FAT1: variants seen among roughly 807,000 people sequenced by gnomAD.
FAT1 encodes protocadherin Fat 1.
Under a neutral mutation model 329.8 loss-of-function variants are expected in FAT1, and 171 were observed. That is an observed-to-expected ratio of 0.52 (90% CI 0.46 to 0.59). The LOEUF (loss-of-function observed/expected upper bound fraction) is 0.59. Among genes scored for constraint, FAT1 ranks in the 20% least tolerant of loss-of-function variants. The probability of loss-of-function intolerance (pLI) is 0.00; values close to 1 mark genes in which losing one functional copy is unlikely to be tolerated. For missense variants in FAT1, 5,672 were observed against 5,774.4 expected (o/e 0.98, Z 0.57); for synonymous variants, 2,233 against 2,228.6 (o/e 1.00, Z -0.06).
At position 186,628,612 on chromosome 4, in the gene FAT1, G is replaced by C. The variant is rs181526716; in HGVS notation, c.4475C>G (p.Thr1492Ser). The C allele has an allele frequency of 1.2e-4, 197 of 1,614,014 alleles. 3 individuals carry two copies. The East Asian group carries it at 1.8e-3, about 15-fold the overall frequency. Reference sequence around the variant, plus strand: ...CAGTGGATCTCTACTGCTCTGCAGAGTGTAGATTAGTTTGTTTTTCTCATC... The same window carrying C: ...CAGTGGATCTCTACTGCTCTGCAGACTGTAGATTAGTTTGTTTTTCTCATC... The part of the protein sequence containing the change: ...DQDEKNKLIY[T>S]LQSSRDPLSL... Residue 1492 changes from threonine to serine, a missense_variant, in exon 8 of 27, where the codon ACT becomes AGT. Coordinates refer to ENST00000441802, the MANE Select transcript of FAT1 (RefSeq NM_005245.4).
Position 186,603,552 on chromosome 4 carries a change from G to A in FAT1, c.10974C>T (p.Asp3658=), listed in dbSNP as rs2126429824. ...ANLTPEEFVG[D]YWRNFQRALR... ...AAGCTCGCTGGAAGTTGCGCCAGTAGTCACCAACGAATTCTTCCGGAGTGA... is the reference window on the plus strand; with the variant it reads ...AAGCTCGCTGGAAGTTGCGCCAGTAATCACCAACGAATTCTTCCGGAGTGA... The change falls in exon 19 of 27, where the codon GAC becomes GAT. Residue 3658 remains aspartate (D), a synonymous_variant. Transcript: ENST00000441802. 1 of 1,613,996 alleles carries A rather than the reference G, an allele frequency of 6.2e-7. No homozygotes were observed. The highest frequency in any genetic ancestry group is 8.5e-7 in the Non-Finnish European group (1 of 1,179,892).
chr4:186,709,516 A>G lies in FAT1; in HGVS notation c.312T>C (p.Asn104=). 1 of 1,613,832 alleles carries G rather than the reference A, an allele frequency of 6.2e-7. No individual in the cohort carries two copies. Among genetic ancestry groups the G allele is most frequent in the Non-Finnish European group, 8.5e-7 (1 of 1,179,834 alleles). Reference sequence around the variant, plus strand: ...TCACTTCTCTATTAAGAATAGCTGTATTTCCTCCTTTGGTCCTTATTCTTA... The same window carrying G: ...TCACTTCTCTATTAAGAATAGCTGTGTTTCCTCCTTTGGTCCTTATTCTTA... The part of the protein sequence containing the change: ...CFLRIRTKGG[N]TAILNREVKD... The change falls in exon 2 of 27, where the codon AAT becomes AAC. Residue 104 remains asparagine, a synonymous_variant. Transcript: ENST00000441802.
rs1356223903 is a variant in FAT1 at position 186,696,140 on chromosome 4, C to T, written c.3265+10423G>A. Among the ~76,000 whole-genome samples the T allele has an allele frequency of 3.9e-5, 6 of 152,284 alleles. No individual in the cohort carries two copies. The South Asian group carries it at 1.0e-3, about 26-fold the overall frequency. On this transcript the variant is annotated intron_variant, in intron 2 of 26. Transcript: ENST00000441802. ...AAAATTACTGACCTTAAACTCTAAT[C>T]TTGATACTTTGTAGATATGAAACTT...
At chr4:186,704,943 CTTT>C (rs575252840) in intron 2 of FAT1, among the ~76,000 whole-genome samples, 14 of 120,608 alleles carry the variant, frequency 1.2e-4, no homozygotes, top group East Asian at 7.1e-4. Flanking sequence ...TCCAAAATAA[CTTT>C]TTTTTTTTTT....
Position 186,708,663 on chromosome 4 carries a change from C to T in FAT1, c.1165G>A (p.Val389Ile), listed in dbSNP as rs370772370. 6.2e-7 allele frequency: 1 copy of T among 1,613,864 alleles called. No individual in the cohort carries two copies. Among genetic ancestry groups the T allele is most frequent in the East Asian group, 2.2e-5 (1 of 44,870 alleles). ...FAPPNTPVVM[V>I]KAIPAYSHLR... is the part of the protein sequence containing the mutation. ...TGGGAATAAGCAGGAATGGCCTTTA[C>T]CATGACCACAGGTGTGTTGGGAGGA... The change falls in exon 2 of 27, where the codon GTA becomes ATA. Residue 389 changes from valine (V) to isoleucine (I), a missense_variant. By Grantham distance (29) the Val-to-Ile change is conservative. Transcript: ENST00000441802.
chr4:186,653,153 C>T (rs1253600655), intron 3 of FAT1, among the ~76,000 whole-genome samples: 14 of 152,166 alleles, frequency 9.2e-5, no homozygotes, highest in Non-Finnish European at 1.5e-5. Context: ...TGATAAAGAC[C>T]TGCTAAGTAT....
chr4:186,610,029 A>G lies in FAT1; in HGVS notation c.9854-14T>C. On this transcript the variant is annotated splice_polypyrimidine_tract_variant and intron_variant, in intron 14 of 26. Coordinates refer to ENST00000441802, the MANE Select transcript of FAT1 (RefSeq NM_005245.4). ...TAAATACGGCCCCTGAATAGAAATC[A>G]AAATTACTTCCAGCATTCTGCAATG... 1.3e-6 allele frequency: 2 copies of G among 1,544,544 alleles called. No individual in the cohort carries two copies. Among genetic ancestry groups the G allele is most frequent in the Non-Finnish European group, 1.8e-6 (2 of 1,118,930 alleles).
intron 13 of FAT1, among the ~76,000 whole-genome samples, chr4:186,612,411 T>C (rs777203605): frequency 2.0e-5 from 3 of 152,162 alleles, no homozygotes; most frequent in Non-Finnish European, 2.9e-5. Flanking sequence ...AATCACAGCA[T>C]GAGTATCCCT....
In FAT1 at chr4:186,618,667, T is replaced by C. The variant is rs1265407568; in HGVS notation, c.7919A>G (p.Glu2640Gly). ...DITYAIEADS[E>G]SVKENLEINK... is the part of the protein sequence containing the mutation. ...AATTTCCAAATTCTCTTTTACACTT[T>C]CAGAGTCTGCTTCAATGGCATAGGT... The change falls in exon 10 of 27, where the codon GAA (glutamate) becomes GGA (glycine). Residue 2640 changes from glutamate (E) to glycine (G), a missense_variant. Physicochemically the swap from Glu to Gly is moderately conservative, Grantham distance 98. Coordinates refer to ENST00000441802, the MANE Select transcript of FAT1 (RefSeq NM_005245.4). The C allele has an allele frequency of 6.2e-7, 1 of 1,613,926 alleles. No individual in the cohort carries two copies. Among genetic ancestry groups the C allele is most frequent in the Non-Finnish European group, 8.5e-7 (1 of 1,179,912 alleles).
chr4:186,668,534 C>T (rs1318979237), intron 2 of FAT1, among the ~76,000 whole-genome samples: 2 of 152,180 alleles, frequency 1.3e-5, no homozygotes, highest in Admixed American at 1.3e-4. Context: ...CTTCCTTAAT[C>T]AGGGGTTCAT....
intron 3 of FAT1, among the ~76,000 whole-genome samples, chr4:186,647,672 G>T (rs78863405): frequency 0.035 from 5,380 of 152,058 alleles, 347 homozygotes; most frequent in African/African-American, 0.12. Context: ...CTGCAGGCAC[G>T]CACTTCAGAT....
chr4:186,628,291 T>C lies in FAT1; in HGVS notation c.4673A>G (p.His1558Arg). ...IVVNVSDTND[H>R]APWFTASSYK... ...GGAGGAAGCGGTGAACCACGGGGCG[T>C]GGTCATTCGTGTCGCTGACATTGAC... is the stretch of plus-strand genomic sequence containing the variant. Residue 1558 changes from histidine to arginine, a missense_variant, in exon 9 of 27, where the codon CAC becomes CGC. Physicochemically the swap from His to Arg is conservative, Grantham distance 29. Transcript: ENST00000441802. 1 of 1,613,754 alleles carries C rather than the reference T, an allele frequency of 6.2e-7. No homozygotes were observed. Among genetic ancestry groups the C allele is most frequent in the Non-Finnish European group, 8.5e-7 (1 of 1,179,784 alleles).
intron 4 of FAT1, 25 bp from the exon 5 acceptor site, chr4:186,636,939 A>T (rs954673461): frequency 1.3e-6 from 2 of 1,564,378 alleles, no homozygotes; most frequent in Middle Eastern, 3.4e-4. Context: ...TTAACAGATT[A>T]ACATGTTAAG....
At chr4:186,613,902 A>G (rs1011822849) in intron 12 of FAT1, among the ~76,000 whole-genome samples, 5 of 152,194 alleles carry the variant, frequency 3.3e-5, no homozygotes, top group African/African-American at 1.2e-4. Context: ...CTTGAGTTAT[A>G]TTTTAATTTC....
intron 2 of FAT1, among the ~76,000 whole-genome samples, chr4:186,701,404 A>G (rs1192799771): frequency 6.6e-6 from 1 of 152,070 alleles, no homozygotes; most frequent in Non-Finnish European, 1.5e-5. Flanking sequence ...CTTTTCTCTT[A>G]AGCTTTCCTA....
At chr4:186,646,969 TA>T (rs1227858304) in intron 3 of FAT1, among the ~76,000 whole-genome samples, 1 of 152,200 alleles carries the variant, frequency 6.6e-6, no homozygotes, top group East Asian at 1.9e-4. Context: ...TTCTTTTTCC[TA>T]AGCACTAAAA....
Position 186,663,542 on chromosome 4 carries a change from C to A in FAT1, c.3337G>T (p.Asp1113Tyr). Residue 1113 changes from aspartate to tyrosine, a missense_variant, in exon 3 of 27, where the codon GAT (aspartate) becomes TAT (tyrosine). Asp to Tyr is a radical substitution (Grantham distance 160). Coordinates refer to ENST00000441802, the MANE Select transcript of FAT1 (RefSeq NM_005245.4). Reference sequence around the variant, plus strand: ...GATGAAAGAGGCACGACACCCTGATCGGTTGCAAAGACTGTTAGCCAATAA... The same window carrying A: ...GATGAAAGAGGCACGACACCCTGATAGGTTGCAAAGACTGTTAGCCAATAA... Reference protein sequence around the residue: ...SHYWLTVFATDQGVVPLSSFI... With the variant: ...SHYWLTVFATYQGVVPLSSFI... 3 of 1,613,680 alleles carry A rather than the reference C, an allele frequency of 1.9e-6. No individual in the cohort carries two copies. The highest frequency in any genetic ancestry group is 1.3e-5 in the African/African-American group (1 of 75,032).
chr4:186,600,123 C>A lies in FAT1; in HGVS notation c.11878G>T (p.Gly3960Ter). 1 of 1,614,048 alleles carries A rather than the reference C, an allele frequency of 6.2e-7. No homozygotes were observed. Among genetic ancestry groups the A allele is most frequent in the Non-Finnish European group, 8.5e-7 (1 of 1,179,896 alleles). ...VFFGGHIRQQ[G>*]TRHGRSPQVG... ...TGAGGACTTCTTCCATGCCTTGTTC[C>A]CTGCTGACGGATGTGGCCACCAAAA... is the stretch of plus-strand genomic sequence containing the variant. Residue 3960 changes from glycine (G) to a stop codon, truncating the protein, a stop_gained, in exon 22 of 27, where the codon GGA becomes TGA. Coordinates refer to ENST00000441802, the MANE Select transcript of FAT1 (RefSeq NM_005245.4). LOFTEE classifies it high-confidence loss of function.
At chr4:186,656,706 A>T (rs1422278051) in intron 3 of FAT1, among the ~76,000 whole-genome samples, 1 of 152,218 alleles carries the variant, frequency 6.6e-6, no homozygotes, top group Non-Finnish European at 1.5e-5. Context: ...AGGGACAAAA[A>T]GTGCATACAT....
Sources: allele counts gnomAD v4.1 joint callset (sites outside exome capture counted in the v4.1 genomes callset), GRCh38; gene constraint gnomAD v4.1.1; transcripts MANE v1.5; gene names NCBI Gene and HGNC (gene_info 2026-07-23, HGNC 2026-07-21).